The following RFX8 variants were observed in gnomAD, a reference collection of about 807,000 sequenced individuals.
RFX8 encodes regulatory factor X8, also known as DNA-binding protein RFX8.
Under a neutral mutation model 54.6 loss-of-function variants are expected in RFX8, and 46 were observed. The ratio of observed to expected loss-of-function variants is 0.84; its 90% CI spans 0.67 to 1.08. The LOEUF (loss-of-function observed/expected upper bound fraction) is 1.08, where lower values mean the gene tolerates loss of function less well. Among genes scored for constraint, RFX8 ranks in the 50% least tolerant of loss-of-function variants. The pLI is 0.00. For missense variants in RFX8, 536 were observed against 562.3 expected (o/e 0.95, Z 0.47); for synonymous variants, 192 against 209.5 (o/e 0.92, Z 0.72).
chr2:101,417,505 C>G, intron 6 of RFX8, 29 bp downstream of exon 6: 2 of 1,537,684 alleles, frequency 1.3e-6, no homozygotes, highest in Non-Finnish European at 8.8e-7. Flanking sequence ...TGTGCCAGCC[C>G]AGAATTTATT....
intron 2 of RFX8, among the ~76,000 whole-genome samples, chr2:101,447,851 G>A (rs1313734690): frequency 6.6e-6 from 1 of 152,280 alleles, no homozygotes; most frequent in East Asian, 1.9e-4. Context: ...CTATGAGTGA[G>A]AACACGCAAT....
rs1378832468 is a variant in RFX8, at chr2:101,469,010, ATATATAGGTATATATATATACG to A, written c.-52-2132_-52-2111del. ...TATATAAGTATATATATACGTATAT[ATATATAGGTATATATATATACG>A]TATATATATGTATATATATATACGT... On this transcript the variant is annotated intron_variant, in intron 1 of 11. Transcript: ENST00000428343. Among the ~76,000 whole-genome samples the A allele has an allele frequency of 6.8e-3, 200 of 29,266 alleles. 1 individual carries two copies. Among genetic ancestry groups the A allele is most frequent in the Non-Finnish European group, 0.018 (174 of 9,564 alleles). 19.2% of individuals were successfully genotyped at this position (29,266 alleles called of 152,430 possible).
chr2:101,431,429 G>A (rs1360300109), intron 2 of RFX8, among the ~76,000 whole-genome samples: 2 of 150,452 alleles, frequency 1.3e-5, no homozygotes, highest in African/African-American at 2.4e-5. Context: ...TCAATTGGCA[G>A]CTTGATGAGC....
chr2:101,463,919 G>A (rs193261272), intron 2 of RFX8, among the ~76,000 whole-genome samples: 2,080 of 152,278 alleles, frequency 0.014, 24 homozygotes, highest in Admixed American at 0.022. Context: ...TATTATCTGG[G>A]ACTGGATACT....
intron 2 of RFX8, among the ~76,000 whole-genome samples, chr2:101,450,327 T>C (rs757503835): frequency 5.3e-5 from 8 of 152,150 alleles, no homozygotes; most frequent in Non-Finnish European, 7.3e-5. Flanking sequence ...GCTCAGGTGA[T>C]CCTCCCACCT....
rs904965077 is a variant in RFX8, at chr2:101,412,895, A to T, written c.718+20T>A. On this transcript the variant is annotated intron_variant, in intron 8 of 11. Transcript: ENST00000428343. ...CTATGCCCAACACGCCAATAAAGCA[A>T]GCTGCAGAAGGAAGATTACATTTCA... 42 of 1,540,744 alleles carry T rather than the reference A, an allele frequency of 2.7e-5. No individual in the cohort carries two copies. The highest frequency in any genetic ancestry group is 3.4e-4 in the Middle Eastern group (2 of 5,966).
intron 9 of RFX8, among the ~76,000 whole-genome samples, chr2:101,407,137 C>T (rs1430712221): frequency 1.3e-5 from 2 of 152,208 alleles, no homozygotes; most frequent in African/African-American, 4.8e-5. Flanking sequence ...CACAGCTCCA[C>T]CACATGTCTT....
chr2:101,421,625 G>C, intron 4 of RFX8, 99 bp downstream of exon 4: 1 of 1,485,014 alleles, frequency 6.7e-7, no homozygotes, highest in South Asian at 1.4e-5. Context: ...TTGGACATCT[G>C]TTGACGGGGT....
In RFX8 at chr2:101,402,496, A is replaced by AC. The variant is rs779731788; in HGVS notation, c.1184dup (p.Val396CysfsTer20). The AC allele has an allele frequency of 5.8e-6, 9 of 1,551,702 alleles. No homozygotes were observed. The Admixed American group carries it at 5.9e-5, about 10-fold the overall frequency. On this transcript the variant is annotated frameshift_variant, in exon 11 of 12. Coordinates refer to ENST00000428343, the MANE Select transcript of RFX8 (RefSeq NM_001145664.2). LOFTEE classifies it high-confidence loss of function. ...GGATCCTGAGGACCATGTTGCTCAC[A>AC]CCCACGGGATATCGGCCCTGGCCCA...
At position 101,417,653 on chromosome 2, in the gene RFX8, A is replaced by G; in HGVS notation, c.383T>C (p.Leu128Ser). 6.5e-7 allele frequency: 1 copy of G among 1,549,586 alleles called. No homozygotes were observed. Among genetic ancestry groups the G allele is most frequent in the Non-Finnish European group, 8.7e-7 (1 of 1,146,332 alleles). Residue 128 changes from leucine (L) to serine (S), a missense_variant, in exon 6 of 12, where the codon TTG (leucine) becomes TCG (serine). Transcript: ENST00000428343. ...GIEDVLLHDFLEDVSIQYLKS... is the reference protein window; with the variant it reads ...GIEDVLLHDFSEDVSIQYLKS... ...CAGGTACTGAATAGAAACATCTTCC[A>G]AGAAGTCATGAAGGAGAACATCCTC...
chr2:101,428,153 C>A (rs1013990760), intron 2 of RFX8, among the ~76,000 whole-genome samples: 2 of 152,066 alleles, frequency 1.3e-5, no homozygotes, highest in Non-Finnish European at 2.9e-5. Flanking sequence ...AATTAGCCGG[C>A]GTGGTTGCAG....
At chr2:101,455,791 A>G (rs989920652) in intron 2 of RFX8, among the ~76,000 whole-genome samples, 1 of 152,178 alleles carries the variant, frequency 6.6e-6, no homozygotes, top group Non-Finnish European at 1.5e-5. Flanking sequence ...CATTGAATCT[A>G]TAAATTACCT....
intron 2 of RFX8, among the ~76,000 whole-genome samples, chr2:101,461,829 C>CA (rs770611326): frequency 6.6e-6 from 1 of 152,170 alleles, no homozygotes; most frequent in Non-Finnish European, 1.5e-5. Flanking sequence ...ACACACACAA[C>CA]ATACACATGA....
At chr2:101,432,360 G>A (rs577360158) in intron 2 of RFX8, among the ~76,000 whole-genome samples, 2 of 152,166 alleles carry the variant, frequency 1.3e-5, no homozygotes, top group African/African-American at 4.8e-5. Flanking sequence ...GAGGGTCCAC[G>A]TTCAGGTCAC....
At chr2:101,420,183 A>G (rs896784029) in intron 4 of RFX8, among the ~76,000 whole-genome samples, 9 of 152,104 alleles carry the variant, frequency 5.9e-5, no homozygotes, top group African/African-American at 2.2e-4. Flanking sequence ...CTTCTGGGGC[A>G]TCCGAGGCCC....
intron 2 of RFX8, among the ~76,000 whole-genome samples, chr2:101,445,657 T>G (rs760992936): frequency 3.3e-5 from 5 of 152,094 alleles, no homozygotes; most frequent in African/African-American, 9.7e-5. Context: ...CTCGAACTCC[T>G]GAACTCAAAC....
At chr2:101,451,380 T>C (rs1460416935) in intron 2 of RFX8, among the ~76,000 whole-genome samples, 1 of 152,174 alleles carries the variant, frequency 6.6e-6, no homozygotes, top group Non-Finnish European at 1.5e-5. Context: ...CTGGAATTTC[T>C]TTTCACGTTA....
intron 2 of RFX8, among the ~76,000 whole-genome samples, chr2:101,456,250 T>C (rs908005507): frequency 6.6e-6 from 1 of 152,234 alleles, no homozygotes; most frequent in Non-Finnish European, 1.5e-5. Context: ...CAACACTATG[T>C]TGAATAGGAG....
chr2:101,437,067 G>GA (rs1375335352), intron 2 of RFX8, among the ~76,000 whole-genome samples: 1 of 152,200 alleles, frequency 6.6e-6, no homozygotes, highest in Non-Finnish European at 1.5e-5. Context: ...GTCTTTTCCT[G>GA]AATTATAGGA....
Sources: allele counts gnomAD v4.1 joint callset (sites outside exome capture counted in the v4.1 genomes callset), GRCh38; gene constraint gnomAD v4.1.1; transcripts MANE v1.5; gene names NCBI Gene and HGNC (gene_info 2026-07-23, HGNC 2026-07-21).